ASIC2: variants seen among roughly 807,000 people sequenced by gnomAD.
ASIC2 encodes the protein acid sensing ion channel subunit 2.
In ASIC2, 25 loss-of-function variants were observed where a neutral mutation model predicts 57.3. That is an observed-to-expected ratio of 0.44 (90% confidence interval 0.32 to 0.61). The LOEUF is 0.61. Ranked by LOEUF, ASIC2 falls within the 20% of genes least tolerant of loss-of-function variation. ASIC2 has a pLI of 0.06. For missense variants in ASIC2, 641 were observed against 738.1 expected, an observed-to-expected ratio of 0.87 and a Z score of 1.52; for synonymous variants, 319 against 307.5, an observed-to-expected ratio of 1.04 and a Z score of -0.39.
chr17:34,132,080 G>A (rs889562992), intron 1 of ASIC2, among the ~76,000 whole-genome samples: 2 of 152,180 alleles, frequency 1.3e-5, no homozygotes, highest in East Asian at 3.8e-4. Context: ...TGCCTCTGCA[G>A]GGGACACAAG....
chr17:33,381,135 G>T (rs1272227178), intron 1 of ASIC2, among the ~76,000 whole-genome samples: 1 of 152,218 alleles, frequency 6.6e-6, no homozygotes, highest in Admixed American at 6.5e-5. Context: ...TGTCCGTAGA[G>T]AACAAAGTGA....
At chr17:33,177,692 TCA>T (rs1308431453) in intron 1 of ASIC2, among the ~76,000 whole-genome samples, 1 of 152,108 alleles carries the variant, frequency 6.6e-6, no homozygotes, top group African/African-American at 2.4e-5. Flanking sequence ...CTCAAACCCC[TCA>T]GTCTTAGGGG....
chr17:33,572,964 T>A (rs1276781740), intron 1 of ASIC2, among the ~76,000 whole-genome samples: 1 of 152,242 alleles, frequency 6.6e-6, no homozygotes, highest in Non-Finnish European at 1.5e-5. Context: ...CATCTGCCTA[T>A]CATATTTTGG....
At chr17:33,589,781 C>T (rs1466318785) in intron 1 of ASIC2, among the ~76,000 whole-genome samples, 1 of 152,154 alleles carries the variant, frequency 6.6e-6, no homozygotes, top group African/African-American at 2.4e-5. Flanking sequence ...TGTTGATAGA[C>T]ACTTGGGTTG....
chr17:33,654,966 A>G (rs1907032119), intron 1 of ASIC2, among the ~76,000 whole-genome samples: 1 of 152,158 alleles, frequency 6.6e-6, no homozygotes. Context: ...CCATCTCTAT[A>G]ACAAATAAAA....
At chr17:34,039,655 C>G in intron 1 of ASIC2, 1 of 1,612,974 alleles carries the variant, frequency 6.2e-7, no homozygotes, top group Non-Finnish European at 8.5e-7. Context: ...TTTCCCTTGG[C>G]TACTTTCATA....
intron 1 of ASIC2, among the ~76,000 whole-genome samples, chr17:33,377,657 A>T (rs1196646293): frequency 6.6e-6 from 1 of 152,106 alleles, no homozygotes; most frequent in African/African-American, 2.4e-5. Context: ...GTCCTTTTCC[A>T]TGCATTCTGC....
Position 34,144,411 on chromosome 17 carries a change from T to C in ASIC2, c.555+11567A>G, listed in dbSNP as rs118166904. ...GATCACAGCCTCATTCCCCATACTT[T>C]CTGGGGACTTCCTGATACTACACTG... is the stretch of plus-strand genomic sequence containing the variant. On this transcript the variant is annotated intron_variant, in intron 1 of 9. Transcript: ENST00000359872. Among the ~76,000 whole-genome samples, 166 of 152,310 alleles carry C rather than the reference T, an allele frequency of 1.1e-3. 1 individual carries two copies. The East Asian group carries it at 0.028, about 25-fold the overall frequency.
At chr17:33,371,657 A>G (rs954613388) in intron 1 of ASIC2, among the ~76,000 whole-genome samples, 1 of 152,076 alleles carries the variant, frequency 6.6e-6, no homozygotes, top group African/African-American at 2.4e-5. Flanking sequence ...ACGATGTGAC[A>G]TGTCTGAAAA....
At chr17:33,062,535 T>C (rs1180532212) in intron 3 of ASIC2, among the ~76,000 whole-genome samples, 6 of 152,238 alleles carry the variant, frequency 3.9e-5, no homozygotes, top group Non-Finnish European at 7.3e-5. Context: ...GACAGTTTGT[T>C]ATAATTTCTG....
intron 1 of ASIC2, among the ~76,000 whole-genome samples, chr17:33,446,435 A>T (rs12602581): frequency 6.6e-6 from 1 of 152,018 alleles, no homozygotes; most frequent in East Asian, 1.9e-4. Context: ...TCCTCAGGCC[A>T]TTAGCTAAAT....
intron 1 of ASIC2, among the ~76,000 whole-genome samples, chr17:34,059,263 G>C (rs1908881475): frequency 6.6e-6 from 1 of 152,224 alleles, no homozygotes; most frequent in African/African-American, 2.4e-5. Context: ...CTGTTTGTGG[G>C]AGAAGCTTCT....
chr17:33,421,982 G>C (rs1021472676), intron 1 of ASIC2, among the ~76,000 whole-genome samples: 1 of 152,182 alleles, frequency 6.6e-6, no homozygotes, highest in Admixed American at 6.5e-5. Context: ...GACAGACCTC[G>C]ACTTGGAATG....
chr17:33,075,249 T>G (rs1306971578), intron 3 of ASIC2, among the ~76,000 whole-genome samples: 1 of 152,242 alleles, frequency 6.6e-6, no homozygotes, highest in Non-Finnish European at 1.5e-5. Context: ...CTCTCTTGTC[T>G]GCCGCCACGT....
intron 1 of ASIC2, among the ~76,000 whole-genome samples, chr17:34,085,782 G>A (rs1050901539): frequency 1.2e-4 from 18 of 152,122 alleles, no homozygotes; most frequent in East Asian, 7.7e-4. Context: ...TGTACGTGTC[G>A]AGGAATTTAT....
chr17:33,053,376 C>T (rs2091985308), intron 3 of ASIC2, among the ~76,000 whole-genome samples: 1 of 152,102 alleles, frequency 6.6e-6, no homozygotes, highest in East Asian at 1.9e-4. Context: ...ATTTTTAGAC[C>T]TGAAAAATTA....
chr17:33,392,517 G>A (rs1909938797), intron 1 of ASIC2, among the ~76,000 whole-genome samples: 1 of 152,000 alleles, frequency 6.6e-6, no homozygotes, highest in South Asian at 2.1e-4. Context: ...TGCCTGCTTT[G>A]GCTTCTCAAA....
At chr17:33,372,992 A>G (rs907522891) in intron 1 of ASIC2, among the ~76,000 whole-genome samples, 1 of 152,100 alleles carries the variant, frequency 6.6e-6, no homozygotes, top group Non-Finnish European at 1.5e-5. Context: ...GAACACCTCC[A>G]TCAGTGATGC....
At chr17:33,675,997 T>C (rs536118551) in intron 1 of ASIC2, among the ~76,000 whole-genome samples, 1 of 152,374 alleles carries the variant, frequency 6.6e-6, no homozygotes, top group East Asian at 1.9e-4. Context: ...CAGCTGTCTC[T>C]ATGATGTCAC....
Sources: gnomAD v4.1 joint callset for allele counts (sites outside exome capture counted in the v4.1 genomes callset) on GRCh38, gnomAD v4.1.1 for gene constraint, MANE v1.5 for transcripts, NCBI Gene and HGNC (gene_info 2026-07-23, HGNC 2026-07-21) for gene names.